The following RB1 variants were observed in gnomAD, a reference collection of about 807,000 sequenced individuals.
RB1 encodes retinoblastoma-associated protein.
RB1 carries 18 observed loss-of-function variants against 135.4 expected under a neutral mutation model. The observed-to-expected ratio is 0.13, with a 90% CI of 0.09 to 0.20. The LOEUF is 0.20. Ranked by LOEUF, RB1 falls within the 10% of genes least tolerant of loss-of-function variation. RB1 has a pLI of 1.00. For missense variants in RB1, 868 were observed against 1,110.0 expected, an observed-to-expected ratio of 0.78 and a Z score of 3.10; for synonymous variants, 365 against 373.2, an observed-to-expected ratio of 0.98 and a Z score of 0.25.
rs952033386 is a variant in RB1 at position 48,417,963 on chromosome 13, T to C, written c.1696-35030T>C. On this transcript the variant is annotated intron_variant, in intron 17 of 26. Coordinates refer to ENST00000267163, the MANE Select transcript of RB1 (RefSeq NM_000321.3). ...CCAAGTTGGAAAACACTCTTCAGGATATTATCCAGGAGAATTTCCCCAACC... is the reference window on the plus strand; with the variant it reads ...CCAAGTTGGAAAACACTCTTCAGGACATTATCCAGGAGAATTTCCCCAACC... Among the ~76,000 whole-genome samples, 6 of 152,168 alleles carry C rather than the reference T, an allele frequency of 3.9e-5. No individual in the cohort carries two copies. In the East Asian group the frequency reaches 1.2e-3, roughly 29 times the overall value.
chr13:48,386,364 A>AT (rs61603411), intron 17 of RB1, among the ~76,000 whole-genome samples: 136,502 of 149,318 alleles, frequency 0.91, 62,919 homozygotes, highest in East Asian at 0.99. Context: ...CCTGTATGGT[A>AT]TTTTTTTTTT....
At chr13:48,399,466 A>G (rs995445386) in intron 17 of RB1, among the ~76,000 whole-genome samples, 1 of 152,064 alleles carries the variant, frequency 6.6e-6, no homozygotes, top group Non-Finnish European at 1.5e-5. Flanking sequence ...CATATGAATA[A>G]TCATCCACTG....
At chr13:48,463,868 A>G (rs777949635) in intron 21 of RB1, 33 bp downstream of exon 21, 3 of 1,281,402 alleles carry the variant, frequency 2.3e-6, no homozygotes, top group Non-Finnish European at 3.4e-6. Flanking sequence ...TTTTTTTGAT[A>G]AATCCATATC....
chr13:48,448,200 G>A lies in RB1; in HGVS notation c.1696-4793G>A, dbSNP rs75845388. ...GTATTAGCTGGAATGAATTTCCTAA[G>A]TGTTAATTGTTAGCATTACTTTGCT... On this transcript the variant is annotated intron_variant, in intron 17 of 26. Transcript: ENST00000267163. Among the ~76,000 whole-genome samples the A allele has an allele frequency of 8.6e-3, 1,310 of 152,298 alleles. 63 individuals carry two copies. The East Asian group carries it at 0.12, about 14-fold the overall frequency.
chr13:48,322,733 G>T (rs1390150837), intron 2 of RB1, among the ~76,000 whole-genome samples: 1 of 152,050 alleles, frequency 6.6e-6, no homozygotes, highest in Non-Finnish European at 1.5e-5. Context: ...TTATGAAAGG[G>T]TGTTGGATTT....
At chr13:48,448,686 C>T (rs902944431) in intron 17 of RB1, among the ~76,000 whole-genome samples, 1 of 152,076 alleles carries the variant, frequency 6.6e-6, no homozygotes, top group Admixed American at 6.5e-5. Flanking sequence ...GAGTTGAAAG[C>T]GCATCTTTAA....
At chr13:48,377,471 G>T (rs989454012) in intron 13 of RB1, among the ~76,000 whole-genome samples, 6 of 152,146 alleles carry the variant, frequency 3.9e-5, no homozygotes, top group South Asian at 2.1e-4. Flanking sequence ...GGGCCATGGA[G>T]TGACAGCCCT....
chr13:48,367,676 C>T, intron 10 of RB1, 73 bp downstream of exon 10: 6 of 1,519,208 alleles, frequency 3.9e-6, no homozygotes, highest in South Asian at 3.5e-5. Context: ...ATTATATAGT[C>T]TTTAGCTTAG....
In RB1 at chr13:48,319,167, A is replaced by T; in HGVS notation, c.264+11761A>T. 1 of 609,560 alleles carries T rather than the reference A, an allele frequency of 1.6e-6. No homozygotes were observed. The highest frequency in any genetic ancestry group is 1.7e-5 in the South Asian group (1 of 60,502). The allele number at this position is 609,560 out of a possible 1,614,324, so 37.8% of individuals were successfully genotyped here. On this transcript the variant is annotated intron_variant, in intron 2 of 26. Coordinates refer to ENST00000267163, the MANE Select transcript of RB1 (RefSeq NM_000321.3). The surrounding 1 kb of genome is among the most constrained non-coding windows in gnomAD (Gnocchi z 5.0). ...AGCTTGTGGGGAATGGTCAGCGTCT[A>T]GGCACCCCGGGCAAGGGTCTGTGGC...
intron 2 of RB1, among the ~76,000 whole-genome samples, chr13:48,338,460 G>C (rs1253722362): frequency 6.6e-6 from 1 of 152,100 alleles, no homozygotes; most frequent in African/African-American, 2.4e-5. Flanking sequence ...CTTTCTTCCA[G>C]TTGATCGAAT....
Position 48,349,029 on chromosome 13 carries a change from T to C in RB1, c.607+6T>C. On this transcript the variant is annotated splice_donor_region_variant and intron_variant, in intron 6 of 26. Coordinates refer to ENST00000267163, the MANE Select transcript of RB1 (RefSeq NM_000321.3). Reference sequence around the variant, plus strand: ...CACATTTTTATTAGCTAAAGGTAAGTTCATTATATTTATTAAATGCTAATA... The same window carrying C: ...CACATTTTTATTAGCTAAAGGTAAGCTCATTATATTTATTAAATGCTAATA... 1 of 1,589,382 alleles carries C rather than the reference T, an allele frequency of 6.3e-7. No homozygotes were observed. Among genetic ancestry groups the C allele is most frequent in the Non-Finnish European group, 8.6e-7 (1 of 1,164,760 alleles).
chr13:48,382,173 G>A (rs1029008941), intron 17 of RB1, among the ~76,000 whole-genome samples: 28 of 152,116 alleles, frequency 1.8e-4, no homozygotes, highest in African/African-American at 6.5e-4. Context: ...ATAAACATAC[G>A]TGTGCATGTG....
At chr13:48,317,225 G>T in intron 2 of RB1, 1 of 425,284 alleles carries the variant, frequency 2.4e-6, no homozygotes. Flanking sequence ...GCCCCCCTGG[G>T]AGACACCCTT....
intron 1 of RB1, among the ~76,000 whole-genome samples, chr13:48,304,434 C>A (rs1375042203): frequency 6.6e-6 from 1 of 152,138 alleles, no homozygotes; most frequent in Non-Finnish European, 1.5e-5. Flanking sequence ...AATTGGAGTA[C>A]TCCGGTGGTC....
chr13:48,421,334 A>G (rs1394747126), intron 17 of RB1, among the ~76,000 whole-genome samples: 2 of 152,082 alleles, frequency 1.3e-5, no homozygotes, highest in Non-Finnish European at 2.9e-5. Context: ...CTGAAACTGG[A>G]CCCCTTTCTT....
At chr13:48,343,773 G>T (rs1952467892) in intron 3 of RB1, among the ~76,000 whole-genome samples, 1 of 152,030 alleles carries the variant, frequency 6.6e-6, no homozygotes, top group South Asian at 2.1e-4. Flanking sequence ...CTGCACTTTT[G>T]TTCCTTTCTC....
intron 12 of RB1, among the ~76,000 whole-genome samples, chr13:48,374,846 C>T (rs771536275): frequency 2.3e-4 from 35 of 151,928 alleles, no homozygotes; most frequent in Non-Finnish European, 5.0e-4. Flanking sequence ...TACAGTTTTT[C>T]AACCCTCGCT....
intron 7 of RB1, among the ~76,000 whole-genome samples, chr13:48,361,218 G>C (rs1214957000): frequency 7.2e-5 from 11 of 151,806 alleles, no homozygotes; most frequent in Admixed American, 6.6e-4. Context: ...GTTACTTTAG[G>C]TTGACAATCT....
At chr13:48,311,815 C>T (rs994592497) in intron 2 of RB1, among the ~76,000 whole-genome samples, 1 of 152,206 alleles carries the variant, frequency 6.6e-6, no homozygotes, top group East Asian at 1.9e-4. Flanking sequence ...AAGCGATTCT[C>T]CTGTCTCAGC....
Sources: gnomAD v4.1 joint callset for allele counts (sites outside exome capture counted in the v4.1 genomes callset) on GRCh38, gnomAD v4.1.1 for gene constraint, Gnocchi (gnomAD v3.1) non-coding constraint, MANE v1.5 for transcripts, NCBI Gene and HGNC (gene_info 2026-07-23, HGNC 2026-07-21) for gene names.